BAZ2B: variants seen among roughly 807,000 people sequenced by gnomAD.
BAZ2B encodes bromodomain adjacent to zinc finger domain 2B, also known as bromodomain adjacent to zinc finger domain protein 2B.
Under a neutral mutation model 246.0 loss-of-function variants are expected in BAZ2B, and 91 were observed. That is an observed-to-expected ratio of 0.37 (90% confidence interval 0.31 to 0.44). The LOEUF (loss-of-function observed/expected upper bound fraction) is 0.44, where lower values mean the gene tolerates loss of function less well. Ranked by LOEUF, BAZ2B falls within the 20% of genes least tolerant of loss-of-function variation. The pLI is 1.00. For synonymous variants in BAZ2B, 855 were observed against 860.0 expected (o/e 0.99, Z 0.10); for missense variants, 2,332 against 2,533.7 (o/e 0.92, Z 1.71).
chr2:159,564,596 C>A (rs905056309), intron 1 of BAZ2B, among the ~76,000 whole-genome samples: 1 of 151,466 alleles, frequency 6.6e-6, no homozygotes, highest in Non-Finnish European at 1.5e-5. Context: ...GATGACTAAA[C>A]AAGAAAAAAA....
chr2:159,397,155 C>A, intron 19 of BAZ2B, 190 bp downstream of exon 19: 1 of 1,468,048 alleles, frequency 6.8e-7, no homozygotes, highest in African/African-American at 1.4e-5. Flanking sequence ...AGTCATAAAA[C>A]CAATTTTTTA....
chr2:159,590,821 T>C (rs1393321976), intron 1 of BAZ2B, among the ~76,000 whole-genome samples: 4 of 152,152 alleles, frequency 2.6e-5, no homozygotes, highest in African/African-American at 4.8e-5. Flanking sequence ...CTGGACTTTA[T>C]CAGATTTATT....
intron 13 of BAZ2B, among the ~76,000 whole-genome samples, chr2:159,413,420 G>A (rs1035483391): frequency 2.0e-5 from 3 of 152,044 alleles, no homozygotes; most frequent in Non-Finnish European, 4.4e-5. Context: ...GGCTGGGCGC[G>A]GACTGGCCGG....
intron 1 of BAZ2B, among the ~76,000 whole-genome samples, chr2:159,575,884 A>G (rs1438541810): frequency 1.3e-5 from 2 of 152,196 alleles, no homozygotes; most frequent in Non-Finnish European, 2.9e-5. Context: ...AAGAATCTAT[A>G]TGTTTTCCTT....
chr2:159,448,467 T>A, intron 4 of BAZ2B, 58 bp from the exon 5 acceptor site: 1 of 1,495,866 alleles, frequency 6.7e-7, no homozygotes, highest in Non-Finnish European at 8.9e-7. Context: ...CCAGTTAACG[T>A]CACAATGGCT....
intron 25 of BAZ2B, among the ~76,000 whole-genome samples, chr2:159,380,629 G>A (rs961796942): frequency 6.6e-6 from 1 of 152,094 alleles, no homozygotes; most frequent in Non-Finnish European, 1.5e-5. Context: ...TCTTAATATG[G>A]ACCTGAACTA....
intron 1 of BAZ2B, among the ~76,000 whole-genome samples, chr2:159,572,038 G>C (rs1006065492): frequency 6.6e-6 from 1 of 152,172 alleles, no homozygotes; most frequent in African/African-American, 2.4e-5. Context: ...CATCAAGCAT[G>C]CCTATGTAAT....
At chr2:159,339,222 C>T (rs1316466973) in intron 31 of BAZ2B, among the ~76,000 whole-genome samples, 2 of 152,034 alleles carry the variant, frequency 1.3e-5, no homozygotes, top group African/African-American at 2.4e-5. Flanking sequence ...CCGTCCCTGC[C>T]GCCAACCACT....
the BAZ2B span, among the ~76,000 whole-genome samples, chr2:159,653,694 A>AT: frequency 6.6e-6 from 1 of 152,196 alleles, no homozygotes; most frequent in Admixed American, 6.6e-5. Flanking sequence ...TTAGCTAATT[A>AT]TTGACATGGT....
chr2:159,318,665 C>A (rs2062362796), downstream of BAZ2B, among the ~76,000 whole-genome samples: 1 of 152,202 alleles, frequency 6.6e-6, no homozygotes, highest in Non-Finnish European at 1.5e-5. Flanking sequence ...TTCTTCTTGA[C>A]AACTGAGTTA....
At chr2:159,707,915 T>C in the BAZ2B span, among the ~76,000 whole-genome samples, 1 of 152,064 alleles carries the variant, frequency 6.6e-6, no homozygotes, top group East Asian at 1.9e-4. Flanking sequence ...CACTTGAACC[T>C]GGGAGGTGGA....
chr2:159,675,596 T>C, the BAZ2B span, among the ~76,000 whole-genome samples: 2 of 152,238 alleles, frequency 1.3e-5, no homozygotes, highest in Non-Finnish European at 2.9e-5. Context: ...GGTACAATTT[T>C]ATCTAAAATA....
At chr2:159,322,050 T>TA (rs1214166858) in intron 36 of BAZ2B, 4 of 152,034 alleles carry the variant, frequency 2.6e-5, no homozygotes, top group African/African-American at 9.7e-5. Context: ...AAATAAAAAT[T>TA]AAAAAAAGAG....
the BAZ2B span, among the ~76,000 whole-genome samples, chr2:159,679,436 CAG>C: frequency 3.3e-5 from 5 of 151,818 alleles, no homozygotes; most frequent in South Asian, 1.0e-3. Flanking sequence ...AGTAAAATAG[CAG>C]AGTTTGTTTA....
chr2:159,569,402 CA>C (rs1400643729), intron 1 of BAZ2B, among the ~76,000 whole-genome samples: 2 of 152,020 alleles, frequency 1.3e-5, no homozygotes, highest in Non-Finnish European at 2.9e-5. Context: ...CTAGGCAAGA[CA>C]GGCAAAAAAT....
chr2:159,663,037 T>C, the BAZ2B span, among the ~76,000 whole-genome samples: 194 of 152,302 alleles, frequency 1.3e-3, no homozygotes, highest in Non-Finnish European at 2.2e-3. Flanking sequence ...GTAAGTGGTA[T>C]TTATATATTC....
chr2:159,325,376 C>G (rs2063569852), intron 35 of BAZ2B, among the ~76,000 whole-genome samples: 1 of 151,098 alleles, frequency 6.6e-6, no homozygotes, highest in South Asian at 2.1e-4. Flanking sequence ...GGTGACCCAC[C>G]TGTCTTGACC....
chr2:159,328,069 C>CAAAAAA (rs1558959778), intron 34 of BAZ2B, among the ~76,000 whole-genome samples: 1 of 111,520 alleles, frequency 9.0e-6, no homozygotes, highest in Non-Finnish European at 1.8e-5. Flanking sequence ...AGCCTCAAAA[C>CAAAAAA]GAAAAAAAAA....
intron 3 of BAZ2B, among the ~76,000 whole-genome samples, chr2:159,470,320 G>A (rs1446255994): frequency 6.6e-6 from 1 of 152,158 alleles, no homozygotes; most frequent in Non-Finnish European, 1.5e-5. Flanking sequence ...AGGGATGGAG[G>A]GAGGAATTTA....
Sources: allele counts gnomAD v4.1 joint callset (sites outside exome capture counted in the v4.1 genomes callset), GRCh38; gene constraint gnomAD v4.1.1; transcripts MANE v1.5; gene names NCBI Gene and HGNC (gene_info 2026-07-23, HGNC 2026-07-21).